GPC5: variants seen among roughly 807,000 people sequenced by gnomAD.
GPC5 encodes glypican-5.
GPC5 carries 47 observed loss-of-function variants against 53.9 expected under a neutral mutation model. The ratio of observed to expected loss-of-function variants is 0.87; its 90% confidence interval spans 0.69 to 1.11. The LOEUF (loss-of-function observed/expected upper bound fraction) is 1.11, where lower values mean the gene tolerates loss of function less well. Ranked by LOEUF, GPC5 falls within the 50% of genes most tolerant of loss-of-function variation. GPC5 has a pLI of 0.00. For missense variants in GPC5, 748 were observed against 713.1 expected, an observed-to-expected ratio of 1.05 and a Z score of -0.56; for synonymous variants, 286 against 263.3, an observed-to-expected ratio of 1.09 and a Z score of -0.84.
chr13:92,590,629 G>A (rs1185120695), intron 7 of GPC5, among the ~76,000 whole-genome samples: 1 of 152,062 alleles, frequency 6.6e-6, no homozygotes, highest in Non-Finnish European at 1.5e-5. Flanking sequence ...CAAAATATCT[G>A]GAACCGAGGA....
At chr13:92,293,322 G>A (rs2043010444) in intron 7 of GPC5, among the ~76,000 whole-genome samples, 1 of 150,004 alleles carries the variant, frequency 6.7e-6, no homozygotes, top group African/African-American at 2.5e-5. Flanking sequence ...CCATTTGTTT[G>A]TGTCATCTGT....
intron 2 of GPC5, among the ~76,000 whole-genome samples, chr13:91,507,114 A>C (rs1884984777): frequency 6.6e-6 from 1 of 152,104 alleles, no homozygotes; most frequent in Admixed American, 6.6e-5. Flanking sequence ...AGTGGCTTAT[A>C]AACAACACAG....
intron 7 of GPC5, among the ~76,000 whole-genome samples, chr13:92,865,137 T>A (rs752409453): frequency 1.3e-5 from 2 of 152,128 alleles, no homozygotes; most frequent in Non-Finnish European, 2.9e-5. Context: ...TTCAACCCAG[T>A]TAATTAAGGG....
chr13:91,503,495 G>A (rs1022424422), intron 2 of GPC5, among the ~76,000 whole-genome samples: 9 of 151,928 alleles, frequency 5.9e-5, no homozygotes, highest in Non-Finnish European at 1.3e-4. Flanking sequence ...TTAATAATTA[G>A]GCTGGGCCGG....
At chr13:91,882,357 AT>A in intron 5 of GPC5, among the ~76,000 whole-genome samples, 1 of 152,202 alleles carries the variant, frequency 6.6e-6, no homozygotes, top group Non-Finnish European at 1.5e-5. Flanking sequence ...CTCAAATTTT[AT>A]ACTTTAATAA....
At chr13:92,628,254 C>CTTTCTTTTTTTTTTTTTTTTT (rs1344894265) in intron 7 of GPC5, among the ~76,000 whole-genome samples, 4 of 59,608 alleles carry the variant, frequency 6.7e-5, no homozygotes, top group African/African-American at 1.7e-4. Context: ...TTTTCTTTTT[C>CTTTCTTTTTTTTTTTTTTTTT]TTTTTCTTTC....
At chr13:92,458,656 AAG>A (rs1878368435) in intron 7 of GPC5, among the ~76,000 whole-genome samples, 1 of 152,054 alleles carries the variant, frequency 6.6e-6, no homozygotes, top group Non-Finnish European at 1.5e-5. Flanking sequence ...AAAAGAGAGA[AAG>A]AGGAAGGGAG....
intron 7 of GPC5, among the ~76,000 whole-genome samples, chr13:92,559,499 G>A (rs1465160893): frequency 2.0e-5 from 3 of 151,514 alleles, no homozygotes; most frequent in Non-Finnish European, 2.9e-5. Flanking sequence ...GCCTAGCCAG[G>A]AGCACACCTT....
chr13:91,949,340 C>T (rs1478709788), intron 6 of GPC5, among the ~76,000 whole-genome samples: 1 of 152,124 alleles, frequency 6.6e-6, no homozygotes, highest in Non-Finnish European at 1.5e-5. Context: ...ATGAATATTA[C>T]AAATGGTTTT....
chr13:91,660,279 T>C (rs1460985684), intron 2 of GPC5, among the ~76,000 whole-genome samples: 2 of 152,174 alleles, frequency 1.3e-5, no homozygotes, highest in Non-Finnish European at 2.9e-5. Flanking sequence ...TCCAAACTGG[T>C]TGTGGCAGCT....
At chr13:91,543,814 AT>A (rs1356352721) in intron 2 of GPC5, among the ~76,000 whole-genome samples, 2 of 152,174 alleles carry the variant, frequency 1.3e-5, no homozygotes, top group African/African-American at 2.4e-5. Flanking sequence ...TTGGCAAATT[AT>A]TTTACTATAG....
intron 7 of GPC5, among the ~76,000 whole-genome samples, chr13:92,622,809 A>G (rs1359581303): frequency 6.6e-6 from 1 of 152,194 alleles, no homozygotes; most frequent in Non-Finnish European, 1.5e-5. Context: ...ATGAGAAATT[A>G]TACTCTTATC....
intron 2 of GPC5, among the ~76,000 whole-genome samples, chr13:91,544,873 A>G (rs2030185238): frequency 6.6e-6 from 1 of 152,146 alleles, no homozygotes; most frequent in African/African-American, 2.4e-5. Context: ...GTGGGCCTGG[A>G]TTGCAGTCTT....
intron 7 of GPC5, among the ~76,000 whole-genome samples, chr13:92,164,812 T>G (rs1214399856): frequency 6.6e-6 from 1 of 152,228 alleles, no homozygotes; most frequent in Non-Finnish European, 1.5e-5. Flanking sequence ...CACCTCTGCC[T>G]GGACATCCAG....
chr13:92,583,410 A>T (rs115456270), intron 7 of GPC5, among the ~76,000 whole-genome samples: 1 of 152,362 alleles, frequency 6.6e-6, no homozygotes, highest in Admixed American at 6.5e-5. Context: ...TCAGTTTACC[A>T]TCAGAAAGCA....
intron 5 of GPC5, among the ~76,000 whole-genome samples, chr13:91,895,896 C>T (rs1185120704): frequency 6.6e-6 from 1 of 152,080 alleles, no homozygotes; most frequent in Non-Finnish European, 1.5e-5. Flanking sequence ...CAAGCTCCCT[C>T]TAATGGTTCT....
intron 5 of GPC5, among the ~76,000 whole-genome samples, chr13:91,883,636 G>C (rs147768616): frequency 2.6e-5 from 4 of 152,206 alleles, no homozygotes; most frequent in African/African-American, 9.7e-5. Flanking sequence ...CTGAAGCAGA[G>C]TGAGGAAGGG....
intron 7 of GPC5, among the ~76,000 whole-genome samples, chr13:92,276,367 C>T (rs559401768): frequency 2.1e-4 from 32 of 152,214 alleles, no homozygotes; most frequent in African/African-American, 7.2e-4. Flanking sequence ...TTTCTTCTTA[C>T]CATCTAAAAT....
At chr13:91,733,089 T>G (rs1055175934) in intron 4 of GPC5, among the ~76,000 whole-genome samples, 3 of 152,218 alleles carry the variant, frequency 2.0e-5, no homozygotes, top group Non-Finnish European at 4.4e-5. Flanking sequence ...GGAATAACAT[T>G]AAATCTGTAA....
Sources: gnomAD v4.1 joint callset for allele counts (sites outside exome capture counted in the v4.1 genomes callset) on GRCh38, gnomAD v4.1.1 for gene constraint, MANE v1.5 for transcripts, NCBI Gene and HGNC (gene_info 2026-07-23, HGNC 2026-07-21) for gene names.